FOXP2: variants seen among roughly 807,000 people sequenced by gnomAD.
The protein encoded by FOXP2 is forkhead box protein P2.
Under a neutral mutation model 115.8 loss-of-function variants are expected in FOXP2, and 12 were observed. That is an observed-to-expected ratio of 0.10 (90% CI 0.07 to 0.17). FOXP2 has a LOEUF of 0.17. Among genes scored for constraint, FOXP2 ranks in the 10% least tolerant of loss-of-function variants. The pLI, the probability that FOXP2 is intolerant of heterozygous loss-of-function variation, is 1.00. For missense variants in FOXP2, 629 were observed against 843.5 expected, an observed-to-expected ratio of 0.75 and a Z score of 3.15; for synonymous variants, 328 against 297.7, an observed-to-expected ratio of 1.10 and a Z score of -1.05.
intron 1 of FOXP2, among the ~76,000 whole-genome samples, chr7:114,199,294 A>G (rs1011578910): frequency 1.3e-5 from 2 of 152,248 alleles, no homozygotes; most frequent in Non-Finnish European, 2.9e-5. Context: ...AAAATTAACT[A>G]TCACAGCTTT....
intron 3 of FOXP2, among the ~76,000 whole-genome samples, chr7:114,587,304 A>G (rs1277064691): frequency 1.3e-5 from 2 of 151,780 alleles, no homozygotes; most frequent in Admixed American, 6.6e-5. Flanking sequence ...TTCAACTCCC[A>G]CTTATGAGTG....
intron 1 of FOXP2, among the ~76,000 whole-genome samples, chr7:114,286,861 A>G (rs1381629266): frequency 6.6e-6 from 1 of 152,048 alleles, no homozygotes; most frequent in Non-Finnish European, 1.5e-5. Flanking sequence ...TTCAACCAGA[A>G]TACGTGATTG....
intron 1 of FOXP2, among the ~76,000 whole-genome samples, chr7:114,276,069 A>C (rs2129173988): frequency 6.6e-6 from 1 of 152,306 alleles, no homozygotes; most frequent in South Asian, 2.1e-4. Flanking sequence ...ATGTGATACT[A>C]TCCCAGCGGG....
At chr7:114,254,906 T>C (rs1795565369) in intron 1 of FOXP2, among the ~76,000 whole-genome samples, 1 of 152,220 alleles carries the variant, frequency 6.6e-6, no homozygotes. Context: ...GCTCTGTTTT[T>C]CCCCGTCTTT....
intron 3 of FOXP2, among the ~76,000 whole-genome samples, chr7:114,580,467 A>T (rs1801792260): frequency 6.6e-6 from 1 of 152,158 alleles, no homozygotes; most frequent in Non-Finnish European, 1.5e-5. Context: ...AGTCCCAGCT[A>T]CTTGAGAGGC....
At chr7:114,437,030 G>A (rs1016502813) in intron 2 of FOXP2, among the ~76,000 whole-genome samples, 4 of 152,096 alleles carry the variant, frequency 2.6e-5, no homozygotes, top group African/African-American at 7.2e-5. Flanking sequence ...AGAAGAAATA[G>A]TTTTATGAAA....
At chr7:114,441,693 G>A (rs925041443) in intron 2 of FOXP2, among the ~76,000 whole-genome samples, 1 of 152,108 alleles carries the variant, frequency 6.6e-6, no homozygotes, top group African/African-American at 2.4e-5. Flanking sequence ...AATAAGCCAA[G>A]TATTTGAATG....
chr7:114,086,912 T>C (rs1207983103), upstream of FOXP2, among the ~76,000 whole-genome samples: 1 of 152,210 alleles, frequency 6.6e-6, no homozygotes, highest in Non-Finnish European at 1.5e-5. Flanking sequence ...GGCTCACGGA[T>C]GATTTTTAGT....
At chr7:114,678,016 G>A (rs2396766) in intron 16 of FOXP2, among the ~76,000 whole-genome samples, 50,497 of 152,106 alleles carry the variant, frequency 0.33, 9,853 homozygotes, top group Non-Finnish European at 0.45. Context: ...GGAATGAAGA[G>A]AGTTGCAAAC....
intron 1 of FOXP2, among the ~76,000 whole-genome samples, chr7:114,146,220 A>T (rs1792364407): frequency 6.6e-6 from 1 of 152,202 alleles, no homozygotes; most frequent in Admixed American, 6.5e-5. Context: ...TACATGTGTG[A>T]AAAGTTAGAC....
At chr7:114,526,860 T>C (rs1010211237) in intron 2 of FOXP2, among the ~76,000 whole-genome samples, 1 of 152,160 alleles carries the variant, frequency 6.6e-6, no homozygotes, top group Non-Finnish European at 1.5e-5. Flanking sequence ...TTTTAGCATA[T>C]TCACTAGGTT....
intron 3 of FOXP2, among the ~76,000 whole-genome samples, chr7:114,551,832 G>A (rs1173714230): frequency 1.3e-5 from 2 of 152,086 alleles, no homozygotes; most frequent in African/African-American, 2.4e-5. Context: ...GTTTTAACAT[G>A]AGAAAAATCA....
chr7:114,652,739 T>G (rs1487706902), intron 9 of FOXP2, among the ~76,000 whole-genome samples: 2 of 152,150 alleles, frequency 1.3e-5, no homozygotes, highest in East Asian at 3.8e-4. Context: ...ACCTTTTCTT[T>G]TCTTTTTCTA....
At chr7:114,635,027 A>G (rs949078104) in intron 6 of FOXP2, among the ~76,000 whole-genome samples, 3 of 152,192 alleles carry the variant, frequency 2.0e-5, no homozygotes, top group African/African-American at 7.2e-5. Context: ...CCAAACAGAG[A>G]ATGCTAGATT....
At chr7:114,185,631 C>T (rs1305161745) in intron 1 of FOXP2, among the ~76,000 whole-genome samples, 2 of 152,104 alleles carry the variant, frequency 1.3e-5, no homozygotes, top group East Asian at 1.9e-4. Context: ...ATCCCAAATT[C>T]CCACTTTTTA....
Position 114,691,910 on chromosome 7 carries a change from C to T in FOXP2, c.*1984C>T. The T allele has an allele frequency of 2.3e-6, 1 of 437,166 alleles. No homozygotes were observed. Among genetic ancestry groups the T allele is most frequent in the Non-Finnish European group, 4.5e-6 (1 of 222,916 alleles). The allele number at this position is 437,166 out of a possible 1,614,324, so 27.1% of individuals were successfully genotyped here. ...TTTTCCCACTTACCCAAAAGGCTTT[C>T]TGAAAGCTTCTACCTCTGCAAAAAA... On this transcript the variant is annotated 3_prime_UTR_variant, in exon 17 of 17. Coordinates refer to ENST00000350908, the MANE Select transcript of FOXP2 (RefSeq NM_014491.4).
At chr7:114,460,084 C>T (rs1222154799) in intron 2 of FOXP2, among the ~76,000 whole-genome samples, 2 of 152,032 alleles carry the variant, frequency 1.3e-5, no homozygotes, top group East Asian at 3.8e-4. Context: ...TTGGTTTTTA[C>T]CTAATTTTAA....
rs554893048 is a variant in FOXP2 at position 114,560,271 on chromosome 7, A to C, written c.258+25565A>C. On this transcript the variant is annotated intron_variant, in intron 3 of 16. Transcript: ENST00000350908. ...GCTTTGTACAATGTAAAGTCTGATT[A>C]TACAAGCTGATATTTTAGGGATGGA... Among the ~76,000 whole-genome samples the C allele has an allele frequency of 1.2e-4, 19 of 152,242 alleles. No homozygotes were observed. In the South Asian group the frequency reaches 3.5e-3, roughly 28 times the overall value.
chr7:114,423,646 T>TCATAAGCTAATTTA (rs1793713728), intron 1 of FOXP2, among the ~76,000 whole-genome samples: 1 of 151,644 alleles, frequency 6.6e-6, no homozygotes, highest in Non-Finnish European at 1.5e-5. Context: ...TAGCTTGGTA[T>TCATAAGCTAATTTA]GTTTCGGATC....
Sources: allele counts gnomAD v4.1 joint callset (sites outside exome capture counted in the v4.1 genomes callset), GRCh38; gene constraint gnomAD v4.1.1; transcripts MANE v1.5; gene names NCBI Gene and HGNC (gene_info 2026-07-23, HGNC 2026-07-21).